The following EXOC6B variants were observed in gnomAD, a reference collection of about 807,000 sequenced individuals.
The protein encoded by EXOC6B is SEC15 homolog B.
Under a neutral mutation model 113.5 loss-of-function variants are expected in EXOC6B, and 54 were observed. That is an observed-to-expected ratio of 0.48 (90% CI 0.38 to 0.60). The LOEUF (loss-of-function observed/expected upper bound fraction) is 0.60, where lower values mean the gene tolerates loss of function less well. EXOC6B is among the 20% of genes least tolerant of loss of function. The probability of loss-of-function intolerance (pLI) is 0.00; values close to 1 mark genes in which losing one functional copy is unlikely to be tolerated. For missense variants in EXOC6B, 797 were observed against 977.5 expected (o/e 0.82, Z 2.46); for synonymous variants, 357 against 339.0 (o/e 1.05, Z -0.58).
chr2:72,799,202 T>C (rs1335140189), intron 1 of EXOC6B, among the ~76,000 whole-genome samples: 2 of 128,034 alleles, frequency 1.6e-5, no homozygotes, highest in Non-Finnish European at 3.1e-5. Flanking sequence ...ATCTCACCAC[T>C]GCACTCCAGC....
chr2:72,373,642 G>A (rs1488167789), intron 19 of EXOC6B, among the ~76,000 whole-genome samples: 1 of 152,080 alleles, frequency 6.6e-6, no homozygotes, highest in Non-Finnish European at 1.5e-5. Context: ...CATACAAATG[G>A]CAAACAGGTA....
At chr2:72,293,135 AT>A (rs1238358422) in intron 20 of EXOC6B, among the ~76,000 whole-genome samples, 1 of 152,150 alleles carries the variant, frequency 6.6e-6, no homozygotes. Context: ...TGATAGTATC[AT>A]TTTATGTCCC....
intron 1 of EXOC6B, among the ~76,000 whole-genome samples, chr2:72,808,222 G>A (rs1306804200): frequency 6.6e-6 from 1 of 152,196 alleles, no homozygotes; most frequent in Non-Finnish European, 1.5e-5. Flanking sequence ...TTACTTTGCT[G>A]AGTTTTCCAA....
rs562263001 is a variant in EXOC6B at position 72,460,992 on chromosome 2, A to G, written c.1980+4168T>C. Among the ~76,000 whole-genome samples the G allele has an allele frequency of 8.2e-4, 124 of 151,960 alleles. 1 individual carries two copies. Among genetic ancestry groups the G allele is most frequent in the African/African-American group, 1.0e-3 (43 of 41,412 alleles). On this transcript the variant is annotated intron_variant, in intron 18 of 21. Transcript: ENST00000272427. ...AACAATGATAGACTGGATTAAGAAA[A>G]TGTGGCACATATACACCATAGAATA...
intron 18 of EXOC6B, among the ~76,000 whole-genome samples, chr2:72,391,253 G>A (rs1002750888): frequency 6.6e-6 from 1 of 152,170 alleles, no homozygotes; most frequent in Non-Finnish European, 1.5e-5. Flanking sequence ...TCTGGTACTA[G>A]CTACTATACT....
chr2:72,373,110 G>C (rs1382883313), intron 19 of EXOC6B, among the ~76,000 whole-genome samples: 1 of 150,014 alleles, frequency 6.7e-6, no homozygotes, highest in Non-Finnish European at 1.5e-5. Context: ...CAATGCCCAG[G>C]CTGGAGTGCA....
At chr2:72,716,454 ATGTGT>A (rs2104711550) in intron 6 of EXOC6B, among the ~76,000 whole-genome samples, 1 of 152,276 alleles carries the variant, frequency 6.6e-6, no homozygotes, top group East Asian at 1.9e-4. Context: ...AGATTTTTTA[ATGTGT>A]TAACATAACA....
At chr2:72,484,566 CAAAAAAAAA>C (rs1163864913) in intron 16 of EXOC6B, among the ~76,000 whole-genome samples, 1 of 52,646 alleles carries the variant, frequency 1.9e-5, no homozygotes, top group Admixed American at 2.3e-4. Context: ...GACTCCGTCA[CAAAAAAAAA>C]AAAAAAAAAA....
Position 72,515,362 on chromosome 2 carries a change from ACTTAAT to A in EXOC6B, c.916-242_916-237del, listed in dbSNP as rs1701158405. On this transcript the variant is annotated intron_variant, in intron 8 of 21. Coordinates refer to ENST00000272427, the MANE Select transcript of EXOC6B (RefSeq NM_015189.3). ...ATATCCTTACAAGGAACCTACCAGA[ACTTAAT>A]CACCAGCACACCAAAGCTGGTTTCT... 3 of 1,101,572 alleles carry A rather than the reference ACTTAAT, an allele frequency of 2.7e-6. No individual in the cohort carries two copies. The East Asian group carries it at 9.6e-5, about 35-fold the overall frequency. The allele number at this position is 1,101,572 out of a possible 1,614,324, so 68.2% of individuals were successfully genotyped here.
chr2:72,223,275 TAA>T (rs1680987626), intron 20 of EXOC6B, among the ~76,000 whole-genome samples: 1 of 152,220 alleles, frequency 6.6e-6, no homozygotes, highest in African/African-American at 2.4e-5. Context: ...CAGCTTGTTT[TAA>T]ATCGGACCAT....
At chr2:72,568,550 C>T (rs532984282) in intron 7 of EXOC6B, among the ~76,000 whole-genome samples, 23 of 151,994 alleles carry the variant, frequency 1.5e-4, no homozygotes, top group African/African-American at 5.3e-4. Flanking sequence ...CACACACGCA[C>T]GCACGCACAC....
chr2:72,179,379 C>T lies in EXOC6B; in HGVS notation c.2392G>A (p.Val798Met), dbSNP rs778555637. 4 of 1,613,490 alleles carry T rather than the reference C, an allele frequency of 2.5e-6. No homozygotes were observed. Among genetic ancestry groups the T allele is most frequent in the Non-Finnish European group, 2.5e-6 (3 of 1,179,732 alleles). The change falls in exon 22 of 22, where the codon GTG becomes ATG. Residue 798 changes from valine (V) to methionine (M), a missense_variant. Transcript: ENST00000272427. ...ERDKQKLIDT[V>M]AKQLRGLISS... ...ATGAGTCCTCGGAGCTGCTTGGCCA[C>T]GGTGTCAATGAGTTTCTGCTTGTCT... is the stretch of plus-strand genomic sequence containing the variant.
intron 7 of EXOC6B, among the ~76,000 whole-genome samples, chr2:72,564,077 C>T (rs1704032610): frequency 1.3e-5 from 2 of 152,140 alleles, no homozygotes; most frequent in Admixed American, 6.5e-5. Flanking sequence ...GCTGGGTAAG[C>T]ATACCCTTAG....
chr2:72,564,575 T>C (rs1400149973), intron 7 of EXOC6B, among the ~76,000 whole-genome samples: 4 of 152,200 alleles, frequency 2.6e-5, no homozygotes, highest in Non-Finnish European at 4.4e-5. Context: ...AGGATCAATT[T>C]TGACAGCCCA....
chr2:72,195,240 A>G (rs569467607), intron 20 of EXOC6B, among the ~76,000 whole-genome samples: 1 of 152,282 alleles, frequency 6.6e-6, no homozygotes, highest in South Asian at 2.1e-4. Flanking sequence ...TGCCAACACC[A>G]AGTATTCCTT....
intron 20 of EXOC6B, among the ~76,000 whole-genome samples, chr2:72,273,515 T>C (rs1684630217): frequency 6.6e-6 from 1 of 152,052 alleles, no homozygotes; most frequent in South Asian, 2.1e-4. Flanking sequence ...GTATAGAGGG[T>C]GGGCCAGTCC....
intron 7 of EXOC6B, among the ~76,000 whole-genome samples, chr2:72,561,427 T>C (rs1178570541): frequency 6.6e-6 from 1 of 152,190 alleles, no homozygotes; most frequent in Non-Finnish European, 1.5e-5. Context: ...TTACATAATT[T>C]TGAGTAGCAA....
At chr2:72,669,798 A>G (rs1281380554) in intron 6 of EXOC6B, among the ~76,000 whole-genome samples, 1 of 152,212 alleles carries the variant, frequency 6.6e-6, no homozygotes, top group Non-Finnish European at 1.5e-5. Context: ...ATGCTAGACA[A>G]CCTGAAATAT....
At chr2:72,684,854 G>A (rs1333280090) in intron 6 of EXOC6B, among the ~76,000 whole-genome samples, 1 of 152,144 alleles carries the variant, frequency 6.6e-6, no homozygotes, top group Non-Finnish European at 1.5e-5. Flanking sequence ...GAGAAGTCTG[G>A]GATGATGGTA....
Sources: gnomAD v4.1 joint callset for allele counts (sites outside exome capture counted in the v4.1 genomes callset) on GRCh38, gnomAD v4.1.1 for gene constraint, MANE v1.5 for transcripts, NCBI Gene and HGNC (gene_info 2026-07-23, HGNC 2026-07-21) for gene names.